HHLA1: variants seen among roughly 807,000 people sequenced by gnomAD.
HHLA1 encodes the protein HERV-H LTR-associating protein 1.
In HHLA1, 72 loss-of-function variants were observed where a neutral mutation model predicts 69.9. The ratio of observed to expected loss-of-function variants is 1.03; its 90% confidence interval spans 0.85 to 1.25. HHLA1 has a LOEUF of 1.25. Ranked by LOEUF, HHLA1 falls within the 50% of genes most tolerant of loss-of-function variation. The probability of loss-of-function intolerance (pLI) is 0.00; values close to 1 mark genes in which losing one functional copy is unlikely to be tolerated. For missense variants in HHLA1, 685 were observed against 642.2 expected (o/e 1.07, Z -0.72); for synonymous variants, 252 against 233.2 (o/e 1.08, Z -0.73).
At chr8:132,073,180 T>C (rs980513363) in intron 14 of HHLA1, among the ~76,000 whole-genome samples, 3 of 152,192 alleles carry the variant, frequency 2.0e-5, no homozygotes, top group African/African-American at 7.2e-5. Flanking sequence ...GGCCTTGCTA[T>C]GTTGCCCAGG....
chr8:132,092,511 G>T (rs1461977481), intron 7 of HHLA1, among the ~76,000 whole-genome samples: 1 of 152,154 alleles, frequency 6.6e-6, no homozygotes, highest in Non-Finnish European at 1.5e-5. Flanking sequence ...TTAGCACCAC[G>T]TCCTTGGTGC....
intron 15 of HHLA1, among the ~76,000 whole-genome samples, chr8:132,067,893 C>A (rs1409577781): frequency 6.6e-6 from 1 of 152,132 alleles, no homozygotes; most frequent in Non-Finnish European, 1.5e-5. Flanking sequence ...TTGTAAGTGG[C>A]AGAGACTAAA....
At chr8:132,080,039 G>T (rs574043978) in intron 10 of HHLA1, 73 bp from the exon 11 acceptor site, 1 of 1,508,098 alleles carries the variant, frequency 6.6e-7, no homozygotes, top group Admixed American at 2.0e-5. Context: ...AAGGTCACTG[G>T]ACTGCAAATA....
chr8:132,106,188 T>A (rs1398879699), intron 1 of HHLA1, among the ~76,000 whole-genome samples: 1 of 152,094 alleles, frequency 6.6e-6, no homozygotes, highest in East Asian at 1.9e-4. Flanking sequence ...AGGGTTGGAT[T>A]TATCTGGAAG....
At chr8:132,087,807 A>T (rs1310778592) in intron 9 of HHLA1, 38 bp downstream of exon 9, 1 of 1,546,312 alleles carries the variant, frequency 6.5e-7, no homozygotes, top group Non-Finnish European at 8.8e-7. Context: ...TCTATTTCTC[A>T]GCCCAGAGAG....
chr8:132,061,686 G>A lies in HHLA1; in HGVS notation c.*2309C>T, dbSNP rs2130870018. ...ATTGCCCTAGCTATCCCCTAAATCAGGACACATTCAGCTCAGAAGGGGTCA... is the reference window on the plus strand; with the variant it reads ...ATTGCCCTAGCTATCCCCTAAATCAAGACACATTCAGCTCAGAAGGGGTCA... On this transcript the variant is annotated 3_prime_UTR_variant, in exon 17 of 17. Coordinates refer to ENST00000414222, the MANE Select transcript of HHLA1 (RefSeq NM_001145095.3). The A allele has an allele frequency of 6.6e-6, 1 of 152,148 alleles. No homozygotes were observed. Among genetic ancestry groups the A allele is most frequent in the Middle Eastern group, 3.4e-3 (1 of 294 alleles). The allele number at this position is 152,148 out of a possible 1,614,324, so 9.4% of individuals were successfully genotyped here.
intron 3 of HHLA1, among the ~76,000 whole-genome samples, chr8:132,102,482 G>A (rs1368406555): frequency 1.3e-5 from 2 of 152,238 alleles, no homozygotes; most frequent in African/African-American, 4.8e-5. Flanking sequence ...ACATACTTAA[G>A]CAGGGCAAAT....
intron 7 of HHLA1, among the ~76,000 whole-genome samples, chr8:132,093,973 T>G (rs1823982854): frequency 1.3e-5 from 2 of 152,196 alleles, no homozygotes; most frequent in Admixed American, 1.3e-4. Flanking sequence ...CTTTAATATT[T>G]TCACAATATT....
chr8:132,065,079 T>C (rs985088632), intron 16 of HHLA1, among the ~76,000 whole-genome samples: 1 of 152,038 alleles, frequency 6.6e-6, no homozygotes, highest in African/African-American at 2.4e-5. Flanking sequence ...GGCATGATAA[T>C]GGCCAAACTA....
At chr8:132,072,606 C>T (rs1193322100) in intron 14 of HHLA1, among the ~76,000 whole-genome samples, 1 of 152,032 alleles carries the variant, frequency 6.6e-6, no homozygotes, top group Non-Finnish European at 1.5e-5. Flanking sequence ...AACAAAGGTT[C>T]ACTAATCACT....
intron 14 of HHLA1, among the ~76,000 whole-genome samples, chr8:132,074,834 A>G (rs952652272): frequency 1.3e-5 from 2 of 152,082 alleles, no homozygotes; most frequent in African/African-American, 4.8e-5. Context: ...AATATCTATT[A>G]GATAGATGAC....
At chr8:132,098,615 C>T (rs1238357500) in intron 5 of HHLA1, among the ~76,000 whole-genome samples, 2 of 152,070 alleles carry the variant, frequency 1.3e-5, no homozygotes, top group Admixed American at 6.6e-5. Context: ...GCATGCACCA[C>T]TGCACGCAGC....
chr8:132,101,240 TC>T, intron 3 of HHLA1: 5 of 1,550,510 alleles, frequency 3.2e-6, no homozygotes, highest in Non-Finnish European at 4.4e-6. Context: ...GAATGTCCCA[TC>T]TTTTTCCTTC....
At chr8:132,093,386 G>A (rs13271110) in intron 7 of HHLA1, among the ~76,000 whole-genome samples, 132,779 of 151,838 alleles carry the variant, frequency 0.87, 58,777 homozygotes, top group Middle Eastern at 0.95. Flanking sequence ...AGAAAAAAAA[G>A]GGAAAATATG....
At chr8:132,082,111 C>T (rs889851605) in intron 10 of HHLA1, among the ~76,000 whole-genome samples, 2 of 152,082 alleles carry the variant, frequency 1.3e-5, no homozygotes, top group East Asian at 1.9e-4. Context: ...TGTGGGAGGC[C>T]GGACTGAAGT....
chr8:132,110,118 C>T (rs965007721), intron 1 of HHLA1, among the ~76,000 whole-genome samples: 1 of 152,212 alleles, frequency 6.6e-6, no homozygotes. Context: ...CTGCCTTTCT[C>T]ACTGAACTCT....
chr8:132,067,952 A>G (rs1353665682), intron 15 of HHLA1, among the ~76,000 whole-genome samples: 3 of 152,218 alleles, frequency 2.0e-5, no homozygotes, highest in African/African-American at 4.8e-5. Flanking sequence ...TCTATAGCTC[A>G]CTAAGCTACC....
At chr8:132,093,722 T>C (rs1014447639) in intron 7 of HHLA1, among the ~76,000 whole-genome samples, 3 of 152,212 alleles carry the variant, frequency 2.0e-5, no homozygotes, top group Non-Finnish European at 2.9e-5. Flanking sequence ...CCAGGCAGAT[T>C]TAACTTTTTA....
intron 1 of HHLA1, among the ~76,000 whole-genome samples, chr8:132,108,685 T>A (rs1824246334): frequency 6.6e-6 from 1 of 152,018 alleles, no homozygotes; most frequent in Non-Finnish European, 1.5e-5. Flanking sequence ...CCATCGAGAA[T>A]CAACAGATGC....
Sources: allele counts gnomAD v4.1 joint callset (sites outside exome capture counted in the v4.1 genomes callset), GRCh38; gene constraint gnomAD v4.1.1; transcripts MANE v1.5; gene names NCBI Gene and HGNC (gene_info 2026-07-23, HGNC 2026-07-21).